The following CAPN7 variants were observed in gnomAD, a reference collection of about 807,000 sequenced individuals.
CAPN7 encodes calpain-7.
In CAPN7, 72 loss-of-function variants were observed where a neutral mutation model predicts 115.2. The observed-to-expected ratio is 0.63, with a 90% confidence interval of 0.52 to 0.76. The LOEUF is 0.76. Ranked by LOEUF, CAPN7 falls within the 30% of genes least tolerant of loss-of-function variation. CAPN7 has a pLI of 0.00. For missense variants in CAPN7, 905 were observed against 971.5 expected, an observed-to-expected ratio of 0.93 and a Z score of 0.91; for synonymous variants, 344 against 322.3, an observed-to-expected ratio of 1.07 and a Z score of -0.72.
At chr3:15,220,199 C>CA (rs1278743502) in intron 4 of CAPN7, among the ~76,000 whole-genome samples, 138 of 142,774 alleles carry the variant, frequency 9.7e-4, no homozygotes, top group African/African-American at 1.6e-3. Flanking sequence ...AACGCCGTCT[C>CA]AAAAAAAAAA....
In CAPN7 at chr3:15,217,474, A is replaced by T; in HGVS notation, c.261A>T (p.Leu87Phe). Residue 87 changes from leucine to phenylalanine, a missense_variant, in exon 3 of 21, where the codon TTA (leucine) becomes TTT (phenylalanine). Coordinates refer to ENST00000253693, the MANE Select transcript of CAPN7 (RefSeq NM_014296.3). ...DPLKSKHQLD[L>F]ERAHFLVTQA... ...TGAAGTCAAAACATCAGTTGGACTT[A>T]GAGCGTGCTCATTTCCTTGTTACAC... The T allele has an allele frequency of 6.2e-7, 1 of 1,613,930 alleles. No individual in the cohort carries two copies.
chr3:15,230,284 G>T (rs1490342484), intron 8 of CAPN7, among the ~76,000 whole-genome samples, 158 bp from the exon 9 acceptor site: 1 of 152,042 alleles, frequency 6.6e-6, no homozygotes, highest in Non-Finnish European at 1.5e-5. Context: ...TTTGATTAGG[G>T]TGTAGTTCAT....
intron 5 of CAPN7, 24 bp downstream of exon 5, chr3:15,221,005 T>C: frequency 6.3e-7 from 1 of 1,582,970 alleles, no homozygotes; most frequent in Non-Finnish European, 8.7e-7. Flanking sequence ...CAATTAATTG[T>C]AATGAAGAAT....
chr3:15,245,704 A>G, intron 17 of CAPN7, 33 bp downstream of exon 17: 1 of 1,585,972 alleles, frequency 6.3e-7, no homozygotes, highest in Non-Finnish European at 8.6e-7. Context: ...GACAAAACAC[A>G]GTAATATAAA....
intron 10 of CAPN7, 24 bp downstream of exon 10, chr3:15,232,689 A>G (rs1387395391): frequency 6.4e-7 from 1 of 1,573,624 alleles, no homozygotes; most frequent in Non-Finnish European, 8.6e-7. Flanking sequence ...AAGACGATCC[A>G]GACACAGATT....
At chr3:15,241,076 A>G (rs983788031) in intron 14 of CAPN7, among the ~76,000 whole-genome samples, 1 of 152,150 alleles carries the variant, frequency 6.6e-6, no homozygotes, top group East Asian at 1.9e-4. Context: ...ATTGTGGCGC[A>G]CACTTGTAGT....
In CAPN7 at chr3:15,223,534, A is replaced by G. The variant is rs759205888; in HGVS notation, c.698A>G (p.Glu233Gly). The G allele has an allele frequency of 3.7e-6, 6 of 1,606,094 alleles. No individual in the cohort carries two copies. The highest frequency in any genetic ancestry group is 5.1e-6 in the Non-Finnish European group (6 of 1,176,328). Residue 233 changes from glutamate to glycine, a missense_variant, in exon 6 of 21, where the codon GAA (glutamate) becomes GGA (glycine). By Grantham distance (98) the Glu-to-Gly change is moderately conservative (BLOSUM62 -2). Coordinates refer to ENST00000253693, the MANE Select transcript of CAPN7 (RefSeq NM_014296.3). ...YVPFMNVDLRERFAYPMPFCD... is the reference protein window; with the variant it reads ...YVPFMNVDLRGRFAYPMPFCD... ...CCTTTCATGAATGTTGACCTGAGAG[A>G]ACGTTTTGCCTATCCAATGCCTTTC...
At position 15,206,509 on chromosome 3, in the gene CAPN7, C is replaced by T; in HGVS notation, c.14C>T (p.Ala5Val). MDAT[A>V]LERDAVQFAR... ...GGCCACTGCGCCATGGACGCCACAG[C>T]ACTGGAGCGGGACGCTGTGCAGTTC... is the stretch of plus-strand genomic sequence containing the variant. Residue 5 changes from alanine (A) to valine (V), a missense_variant, in exon 1 of 21, where the codon GCA becomes GTA. Around this residue, in one of 3 missense-constraint regions of CAPN7, gnomAD observed 271 missense variants for 239.6 expected, o/e 1.13. Coordinates refer to ENST00000253693, the MANE Select transcript of CAPN7 (RefSeq NM_014296.3). 1 of 1,551,682 alleles carries T rather than the reference C, an allele frequency of 6.4e-7. No individual in the cohort carries two copies. Among genetic ancestry groups the T allele is most frequent in the Non-Finnish European group, 8.7e-7 (1 of 1,148,114 alleles).
chr3:15,208,652 ACAT>A (rs1385856345), intron 1 of CAPN7, among the ~76,000 whole-genome samples: 9 of 152,158 alleles, frequency 5.9e-5, no homozygotes, highest in African/African-American at 1.9e-4. Flanking sequence ...TGTTTTTTCA[ACAT>A]CATAAGTAAC....
chr3:15,222,996 A>G (rs1329230931), intron 5 of CAPN7, among the ~76,000 whole-genome samples: 1 of 152,244 alleles, frequency 6.6e-6, no homozygotes, highest in Non-Finnish European at 1.5e-5. Context: ...CAAAGCTACT[A>G]CAAACCTTAT....
chr3:15,216,616 G>GAATATGAA, intron 2 of CAPN7, among the ~76,000 whole-genome samples: 1 of 152,184 alleles, frequency 6.6e-6, no homozygotes, highest in Admixed American at 6.5e-5. Flanking sequence ...TAGGCTCAGG[G>GAATATGAA]TAAATAGAAA....
At chr3:15,228,451 C>A (rs979612727) in intron 7 of CAPN7, among the ~76,000 whole-genome samples, 1 of 152,084 alleles carries the variant, frequency 6.6e-6, no homozygotes, top group African/African-American at 2.4e-5. Context: ...ATAACAAAGA[C>A]ATGGAATCAA....
chr3:15,244,276 T>A (rs1025276583), intron 16 of CAPN7, among the ~76,000 whole-genome samples: 24 of 152,236 alleles, frequency 1.6e-4, no homozygotes, highest in African/African-American at 5.5e-4. Flanking sequence ...GCATGGCACA[T>A]AGTAGGTCCA....
chr3:15,206,699 G>C, intron 1 of CAPN7, 102 bp downstream of exon 1: 1 of 860,018 alleles, frequency 1.2e-6, no homozygotes, highest in Non-Finnish European at 1.8e-6. Context: ...AGCGGCCCCG[G>C]CTTTGCTTTT....
At chr3:15,210,825 A>C in intron 1 of CAPN7, 1 of 1,289,628 alleles carries the variant, frequency 7.8e-7, no homozygotes. Context: ...ACTCCTGCTC[A>C]AACAACTGGA....
rs776292946 is a variant in CAPN7, at chr3:15,217,418, A to C, written c.212-7A>C. The stretch of plus-strand genomic sequence containing the variant: ...ACTCCTTCTGCGTATTTTTTTTTCT[A>C]TCCTAGTTCAGTCAAAGAGTGCTGA... On this transcript the variant is annotated splice_polypyrimidine_tract_variant and splice_region_variant and intron_variant, in intron 2 of 20. Coordinates refer to ENST00000253693, the MANE Select transcript of CAPN7 (RefSeq NM_014296.3). The C allele has an allele frequency of 6.2e-7, 1 of 1,600,956 alleles. No individual in the cohort carries two copies. The highest frequency in any genetic ancestry group is 2.2e-5 in the East Asian group (1 of 44,506).
intron 9 of CAPN7, among the ~76,000 whole-genome samples, chr3:15,231,897 T>G (rs1211512649): frequency 6.6e-6 from 1 of 152,192 alleles, no homozygotes; most frequent in Non-Finnish European, 1.5e-5. Context: ...ATGTATTTTC[T>G]AGCCATAATG....
intron 7 of CAPN7, among the ~76,000 whole-genome samples, chr3:15,228,493 AG>A (rs1272261209): frequency 6.6e-6 from 1 of 152,218 alleles, no homozygotes; most frequent in Non-Finnish European, 1.5e-5. Flanking sequence ...GATTGGATGA[AG>A]AAAATGTGGT....
At position 15,244,580 on chromosome 3, in the gene CAPN7, A is replaced by G. The variant is rs182855996; in HGVS notation, c.1865-946A>G. 8.3e-4 allele frequency among the ~76,000 whole-genome samples: 127 copies of G among 152,292 alleles called. 1 individual carries two copies. The highest frequency in any genetic ancestry group is 1.8e-3 in the Admixed American group (28 of 15,294). On this transcript the variant is annotated intron_variant, in intron 16 of 20. Coordinates refer to ENST00000253693, the MANE Select transcript of CAPN7 (RefSeq NM_014296.3). The stretch of plus-strand genomic sequence containing the variant: ...GACTTATGATTTGTTTGAGATACCA[A>G]AATACTTAGTTTTTCTGATAGGTCC...
Sources: gnomAD v4.1 joint callset for allele counts (sites outside exome capture counted in the v4.1 genomes callset) on GRCh38, gnomAD v4.1.1 for gene constraint, gnomAD v4.1.1 regional missense constraint, MANE v1.5 for transcripts, NCBI Gene and HGNC (gene_info 2026-07-23, HGNC 2026-07-21) for gene names.